Variants in ASTN1 observed in about 807,000 individuals in gnomAD.
ASTN1 encodes astrotactin-1.
Under a neutral mutation model 140.7 loss-of-function variants are expected in ASTN1, and 41 were observed. The ratio of observed to expected loss-of-function variants is 0.29; its 90% CI spans 0.23 to 0.38. The LOEUF (loss-of-function observed/expected upper bound fraction) is 0.38, where lower values mean the gene tolerates loss of function less well. ASTN1 is among the 10% of genes least tolerant of loss of function. ASTN1 has a pLI of 1.00. For synonymous variants in ASTN1, 640 were observed against 652.2 expected (o/e 0.98, Z 0.29); for missense variants, 1,479 against 1,678.8 (o/e 0.88, Z 2.08).
At chr1:177,090,034 C>A (rs1029222849) in intron 1 of ASTN1, among the ~76,000 whole-genome samples, 25 of 151,600 alleles carry the variant, frequency 1.6e-4, no homozygotes. Flanking sequence ...CACACACACC[C>A]CCCTCAATCA....
intron 8 of ASTN1, among the ~76,000 whole-genome samples, chr1:176,977,476 T>C (rs1438621456): frequency 6.6e-6 from 1 of 152,214 alleles, no homozygotes; most frequent in Admixed American, 6.5e-5. Context: ...ACAGGTGCTA[T>C]GGAGAGCACT....
At chr1:176,917,586 G>T (rs1232928216) in intron 16 of ASTN1, among the ~76,000 whole-genome samples, 3 of 152,138 alleles carry the variant, frequency 2.0e-5, no homozygotes, top group Non-Finnish European at 2.9e-5. Context: ...CATTGCTTTG[G>T]GAGGGAAGGA....
intron 1 of ASTN1, among the ~76,000 whole-genome samples, chr1:177,155,755 T>C (rs1429195533): frequency 6.6e-6 from 1 of 152,190 alleles, no homozygotes; most frequent in African/African-American, 2.4e-5. Context: ...GATAATTAGA[T>C]AATGGATTAA....
chr1:177,006,216 A>G (rs984319519), intron 8 of ASTN1, among the ~76,000 whole-genome samples: 1 of 152,222 alleles, frequency 6.6e-6, no homozygotes, highest in African/African-American at 2.4e-5. Context: ...CATACTTTTA[A>G]TGCTTCTTTA....
chr1:176,928,028 G>A (rs1049388111), intron 16 of ASTN1, among the ~76,000 whole-genome samples: 4 of 151,424 alleles, frequency 2.6e-5, no homozygotes, highest in Admixed American at 1.3e-4. Context: ...TTGTATGTAT[G>A]TGTATATTAT....
intron 8 of ASTN1, among the ~76,000 whole-genome samples, chr1:177,008,437 G>C (rs1476418699): frequency 6.7e-6 from 1 of 150,362 alleles, no homozygotes; most frequent in Non-Finnish European, 1.5e-5. Context: ...GAGGAAGACA[G>C]AGAGGAAGAG....
rs188408658 is a variant in ASTN1, at chr1:177,114,426, T to C, written c.283+49968A>G. ...ACATGACATGAATGGTGCACATATA[T>C]ATATATATAGTTTTTTAATTAAATT... On this transcript the variant is annotated intron_variant, in intron 1 of 22. Transcript: ENST00000361833. 5.3e-5 allele frequency among the ~76,000 whole-genome samples: 8 copies of C among 152,176 alleles called. No homozygotes were observed. In the East Asian group the frequency reaches 1.5e-3, roughly 29 times the overall value.
chr1:176,882,920 C>T lies in ASTN1; in HGVS notation c.3301G>A (p.Asp1101Asn), dbSNP rs755484057. 6.2e-7 allele frequency: 1 copy of T among 1,613,984 alleles called. No individual in the cohort carries two copies. The highest frequency in any genetic ancestry group is 8.5e-7 in the Non-Finnish European group (1 of 1,180,018). The change falls in exon 20 of 23, where the codon GAC becomes AAC. Residue 1101 changes from aspartate to asparagine, a missense_variant. Around this residue, in one of 3 missense-constraint regions of ASTN1, gnomAD observed 746 missense variants for 800.9 expected, o/e 0.93. Transcript: ENST00000361833. ...SPCAMPSQVP[D>N]KQLTTISLII... ...AGAGAGATGGTGGTGAGCTGCTTGT[C>T]CGGCACCTGAGATGGCATTGCACAA...
In ASTN1 at chr1:176,876,714, C is replaced by T. The variant is rs1303188665; in HGVS notation, c.3363-77G>A. 3 of 1,408,212 alleles carry T rather than the reference C, an allele frequency of 2.1e-6. No homozygotes were observed. In the East Asian group the frequency reaches 7.2e-5, roughly 34 times the overall value. The allele number at this position is 1,408,212 out of a possible 1,614,324, so 87.2% of individuals were successfully genotyped here. A position where few individuals can be genotyped will look rare whatever the true frequency, so the allele number is the denominator to read the frequency against. On this transcript the variant is annotated intron_variant, in intron 20 of 22. Transcript: ENST00000361833. ...AGATCTCTGTGGCCCTAGCTCATGG[C>T]CCAGCTCTGCCTGAATGGGTGGCTA...
At chr1:177,144,096 C>A (rs1165285061) in intron 1 of ASTN1, among the ~76,000 whole-genome samples, 1 of 151,492 alleles carries the variant, frequency 6.6e-6, no homozygotes, top group East Asian at 1.9e-4. Flanking sequence ...ATGGCTATTA[C>A]ATGTTTTCAC....
intron 17 of ASTN1, among the ~76,000 whole-genome samples, chr1:176,890,635 A>G (rs980629537): frequency 1.3e-5 from 2 of 152,250 alleles, no homozygotes; most frequent in African/African-American, 4.8e-5. Context: ...TTTTCAATCC[A>G]AAAGAGAAAG....
chr1:177,110,550 C>T (rs888689412), intron 1 of ASTN1, among the ~76,000 whole-genome samples: 3 of 152,134 alleles, frequency 2.0e-5, no homozygotes, highest in African/African-American at 7.2e-5. Context: ...AGAATTATTT[C>T]TAGATACAAA....
chr1:176,948,876 T>C (rs1405255045), intron 12 of ASTN1, among the ~76,000 whole-genome samples: 1 of 152,198 alleles, frequency 6.6e-6, no homozygotes, highest in Non-Finnish European at 1.5e-5. Context: ...AAAACACAAC[T>C]TGGAAAATGC....
intron 8 of ASTN1, among the ~76,000 whole-genome samples, chr1:176,969,705 G>A (rs981925175): frequency 5.3e-5 from 8 of 152,184 alleles, no homozygotes; most frequent in South Asian, 2.1e-4. Context: ...CCCTGCCATC[G>A]GAAGGAACTT....
chr1:177,094,194 A>T (rs929803281), intron 1 of ASTN1, among the ~76,000 whole-genome samples: 1 of 152,228 alleles, frequency 6.6e-6, no homozygotes, highest in African/African-American at 2.4e-5. Context: ...TGTACAGATG[A>T]TAACATCAAG....
At chr1:177,062,411 G>A (rs1678142842) in intron 1 of ASTN1, among the ~76,000 whole-genome samples, 1 of 151,076 alleles carries the variant, frequency 6.6e-6, no homozygotes, top group African/African-American at 2.4e-5. Context: ...CAGCTAATTT[G>A]TTTTTTTATT....
intron 8 of ASTN1, among the ~76,000 whole-genome samples, chr1:176,998,674 C>T (rs1266125794): frequency 6.6e-6 from 1 of 152,212 alleles, no homozygotes; most frequent in East Asian, 1.9e-4. Flanking sequence ...CCGCTGTGCA[C>T]ACAGTGAGCT....
intron 1 of ASTN1, among the ~76,000 whole-genome samples, chr1:177,123,628 C>T (rs1681504541): frequency 6.6e-6 from 1 of 152,184 alleles, no homozygotes; most frequent in African/African-American, 2.4e-5. Flanking sequence ...GCTACCCTAA[C>T]CTCAACCCAG....
chr1:177,049,957 A>G (rs1677453742), intron 2 of ASTN1, among the ~76,000 whole-genome samples: 1 of 152,224 alleles, frequency 6.6e-6, no homozygotes. Flanking sequence ...AATGACTGGG[A>G]TGTATACATT....
Sources: allele counts gnomAD v4.1 joint callset (sites outside exome capture counted in the v4.1 genomes callset), GRCh38; gene constraint gnomAD v4.1.1; regional missense constraint gnomAD v4.1.1; transcripts MANE v1.5; gene names NCBI Gene and HGNC (gene_info 2026-07-23, HGNC 2026-07-21).